Variants in NEGR1 observed in about 807,000 individuals in gnomAD.
The protein encoded by NEGR1 is neuronal growth regulator 1.
Under a neutral mutation model 40.9 loss-of-function variants are expected in NEGR1, and 10 were observed. The observed-to-expected ratio is 0.24, with a 90% confidence interval of 0.15 to 0.42. The LOEUF (loss-of-function observed/expected upper bound fraction) is 0.42, where lower values mean the gene tolerates loss of function less well. Among genes scored for constraint, NEGR1 ranks in the 10% least tolerant of loss-of-function variants. NEGR1 has a pLI of 1.00. For missense variants in NEGR1, 352 were observed against 438.9 expected (o/e 0.80, Z 1.77); for synonymous variants, 185 against 166.8 (o/e 1.11, Z -0.84).
intron 1 of NEGR1, among the ~76,000 whole-genome samples, chr1:72,217,519 A>G (rs1653862328): frequency 6.6e-6 from 1 of 151,808 alleles, no homozygotes; most frequent in South Asian, 2.1e-4. Context: ...CTTGGTAGCA[A>G]TGGGAAAAAA....
rs1048265165 is a variant in NEGR1 at position 71,978,250 on chromosome 1, T to G, written c.177-42939A>C. ...AGCAACAACTATCATCTTGTTTAAATATGAAAAGTGTTTGTTCTCTTTGAG... is the reference window on the plus strand; with the variant it reads ...AGCAACAACTATCATCTTGTTTAAAGATGAAAAGTGTTTGTTCTCTTTGAG... On this transcript the variant is annotated intron_variant, in intron 1 of 6. Coordinates refer to ENST00000357731, the MANE Select transcript of NEGR1 (RefSeq NM_173808.3). Among the ~76,000 whole-genome samples the G allele has an allele frequency of 2.6e-5, 4 of 152,194 alleles. No homozygotes were observed. The South Asian group carries it at 8.3e-4, about 32-fold the overall frequency.
intron 2 of NEGR1, among the ~76,000 whole-genome samples, chr1:71,825,725 T>C (rs1203182223): frequency 6.6e-6 from 1 of 150,956 alleles, no homozygotes; most frequent in Non-Finnish European, 1.5e-5. Flanking sequence ...CATGTGATTA[T>C]GCATGTAAAA....
At chr1:71,923,352 G>A (rs904430916) in intron 2 of NEGR1, among the ~76,000 whole-genome samples, 7 of 102,900 alleles carry the variant, frequency 6.8e-5, no homozygotes, top group East Asian at 3.8e-4. Flanking sequence ...CTTGGACAGC[G>A]ATACACACAC....
chr1:72,097,945 T>G (rs1373519662), intron 1 of NEGR1, among the ~76,000 whole-genome samples: 1 of 152,158 alleles, frequency 6.6e-6, no homozygotes, highest in Non-Finnish European at 1.5e-5. Context: ...TGTGTGCCCT[T>G]TGCATTGGAA....
At chr1:71,776,970 C>A (rs1656535668) in intron 2 of NEGR1, among the ~76,000 whole-genome samples, 1 of 152,008 alleles carries the variant, frequency 6.6e-6, no homozygotes, top group Non-Finnish European at 1.5e-5. Context: ...TTGTTATGCC[C>A]TTTTGCACTG....
intron 6 of NEGR1, among the ~76,000 whole-genome samples, chr1:71,415,727 T>G (rs550822522): frequency 1.3e-5 from 2 of 152,314 alleles, no homozygotes; most frequent in South Asian, 4.1e-4. Context: ...TTTTTTTGTT[T>G]ACTCTATTTT....
At chr1:71,462,841 T>TTACATCC (rs1646722713) in intron 6 of NEGR1, among the ~76,000 whole-genome samples, 1 of 152,172 alleles carries the variant, frequency 6.6e-6, no homozygotes, top group East Asian at 1.9e-4. Context: ...CTTAGAAAGA[T>TTACATCC]ATGTTATGGA....
chr1:71,597,462 C>CTGTG (rs1191334873), intron 5 of NEGR1, among the ~76,000 whole-genome samples: 443 of 30,074 alleles, frequency 0.015, 6 homozygotes, highest in Admixed American at 0.064. Context: ...CTCTCTCTCT[C>CTGTG]TCTCTCTCTC....
At chr1:71,855,901 C>A (rs983706541) in intron 2 of NEGR1, among the ~76,000 whole-genome samples, 2 of 151,810 alleles carry the variant, frequency 1.3e-5, no homozygotes, top group Non-Finnish European at 2.9e-5. Flanking sequence ...AATTATGGAC[C>A]GTGATTCTAG....
intron 1 of NEGR1, among the ~76,000 whole-genome samples, chr1:72,228,719 C>T (rs1311479342): frequency 6.6e-6 from 1 of 152,058 alleles, no homozygotes; most frequent in Non-Finnish European, 1.5e-5. Context: ...TGACCAGGGA[C>T]TTTTGAATGG....
At chr1:72,201,290 T>C (rs957641235) in intron 1 of NEGR1, among the ~76,000 whole-genome samples, 4 of 150,960 alleles carry the variant, frequency 2.6e-5, no homozygotes, top group African/African-American at 9.7e-5. Flanking sequence ...ACTAGTATAA[T>C]ATAAAAAATA....
chr1:71,911,995 T>C (rs530289114), intron 2 of NEGR1, among the ~76,000 whole-genome samples: 3 of 152,324 alleles, frequency 2.0e-5, no homozygotes, highest in South Asian at 4.1e-4. Context: ...ATCAAGAATG[T>C]ACCCTGGTGT....
At position 71,481,951 on chromosome 1, in the gene NEGR1, CT is replaced by C. The variant is rs527393485; in HGVS notation, c.941-74382del. Reference sequence around the variant, plus strand: ...CTTTATTTTTCTCACTTTCTCTGTACTTTAGTTTTTGGAAACTAGCCTAATT... The same window carrying C: ...CTTTATTTTTCTCACTTTCTCTGTACTTAGTTTTTGGAAACTAGCCTAATT... On this transcript the variant is annotated intron_variant, in intron 6 of 6. Transcript: ENST00000357731. Among the ~76,000 whole-genome samples the C allele has an allele frequency of 4.9e-3, 748 of 151,840 alleles. 6 individuals are homozygous for C. The highest frequency in any genetic ancestry group is 0.016 in the African/African-American group (678 of 41,474).
chr1:71,609,586 C>CTTA (rs1427943233), intron 5 of NEGR1, among the ~76,000 whole-genome samples: 1 of 134,098 alleles, frequency 7.5e-6, no homozygotes, highest in African/African-American at 2.7e-5. Flanking sequence ...GATATTATCC[C>CTTA]TTATTATTAA....
At chr1:71,660,416 A>C (rs2101589919) in intron 4 of NEGR1, among the ~76,000 whole-genome samples, 1 of 152,236 alleles carries the variant, frequency 6.6e-6, no homozygotes, top group Middle Eastern at 3.4e-3. Flanking sequence ...TATGTACAAC[A>C]AGCCCCTGTG....
intron 1 of NEGR1, among the ~76,000 whole-genome samples, chr1:72,254,732 T>C (rs1655210816): frequency 6.6e-6 from 1 of 151,826 alleles, no homozygotes; most frequent in Admixed American, 6.6e-5. Flanking sequence ...ATTTTATTTA[T>C]TATATGGTTC....
chr1:71,765,896 C>A (rs565049197), intron 3 of NEGR1, among the ~76,000 whole-genome samples: 1 of 152,022 alleles, frequency 6.6e-6, no homozygotes, highest in African/African-American at 2.4e-5. Flanking sequence ...AGAGACCTGG[C>A]CAGGCGCGGT....
intron 1 of NEGR1, among the ~76,000 whole-genome samples, chr1:72,191,515 C>A (rs973870173): frequency 2.6e-5 from 4 of 151,836 alleles, no homozygotes; most frequent in South Asian, 4.2e-4. Context: ...AATCTAAAAT[C>A]TTTTCTTAGA....
intron 1 of NEGR1, among the ~76,000 whole-genome samples, chr1:72,187,242 A>C (rs190982731): frequency 2.0e-5 from 3 of 151,602 alleles, no homozygotes; most frequent in South Asian, 4.1e-4. Context: ...CTTTAATATC[A>C]AAATTTCTTA....
Sources: allele counts gnomAD v4.1 joint callset (sites outside exome capture counted in the v4.1 genomes callset), GRCh38; gene constraint gnomAD v4.1.1; transcripts MANE v1.5; gene names NCBI Gene and HGNC (gene_info 2026-07-23, HGNC 2026-07-21).